Variants in PXN observed in about 807,000 individuals in gnomAD.
PXN encodes the protein testicular tissue protein Li 134.
Under a neutral mutation model 103.6 loss-of-function variants are expected in PXN, and 61 were observed. The ratio of observed to expected loss-of-function variants is 0.59; its 90% CI spans 0.48 to 0.73. The LOEUF is 0.73. Among genes scored for constraint, PXN ranks in the 30% least tolerant of loss-of-function variants. PXN has a pLI of 0.00. For missense variants in PXN, 1,274 were observed against 1,460.3 expected, an observed-to-expected ratio of 0.87 and a Z score of 2.08; for synonymous variants, 562 against 607.8, an observed-to-expected ratio of 0.92 and a Z score of 1.11.
Position 120,212,445 on chromosome 12 carries a change from C to T in PXN, c.3115G>A (p.Ala1039Thr), listed in dbSNP as rs778384980. ...QKPITGRCIT[A>T]MAKKFHPEHF... The stretch of plus-strand genomic sequence containing the variant: ...TCGGGGTGGAACTTCTTGGCCATGG[C>T]GGTGATGCAGCGGCCGGTGATGGGC... Residue 1039 changes from alanine (A) to threonine (T), a missense_variant, in exon 15 of 15, where the codon GCC becomes ACC. This residue lies in a region of PXN where 96 missense variants were observed against 151.3 expected (regional missense o/e 0.63). Coordinates refer to ENST00000637617, the MANE Select transcript of PXN (RefSeq NM_001385981.1). The surrounding 1 kb of genome is among the most constrained non-coding windows in gnomAD (Gnocchi z 7.2). 6 of 1,613,870 alleles carry T rather than the reference C, an allele frequency of 3.7e-6. No individual in the cohort carries two copies. Among genetic ancestry groups the T allele is most frequent in the East Asian group, 2.2e-5 (1 of 44,878 alleles).
rs1464086786 is a variant in PXN, at chr12:120,233,171, C to T, written c.14-8794G>A. Among the ~76,000 whole-genome samples the T allele has an allele frequency of 2.6e-5, 4 of 152,316 alleles. No individual in the cohort carries two copies. The East Asian group carries it at 5.8e-4, about 22-fold the overall frequency. ...ATCTAACGCTTCCTGCACACACCAT[C>T]GGCCCGAACTTCTTGGCACCCAGCC... On this transcript the variant is annotated intron_variant, in intron 1 of 14. Transcript: ENST00000637617.
At chr12:120,235,311 C>T (rs1037903078) in intron 1 of PXN, among the ~76,000 whole-genome samples, 7 of 152,086 alleles carry the variant, frequency 4.6e-5, no homozygotes, top group Admixed American at 3.3e-4. Context: ...GACGGGGCTG[C>T]GAGGCTAGAA....
At chr12:120,235,496 G>GTTCTTCACCC (rs1340344229) in intron 1 of PXN, among the ~76,000 whole-genome samples, 2 of 152,088 alleles carry the variant, frequency 1.3e-5, no homozygotes, top group Non-Finnish European at 2.9e-5. Context: ...TTCTTCCCAG[G>GTTCTTCACCC]ATGCCCCACA....
In PXN at chr12:120,212,447, G is replaced by T; in HGVS notation, c.3113C>A (p.Thr1038Asn). 1 of 1,614,040 alleles carries T rather than the reference G, an allele frequency of 6.2e-7. No homozygotes were observed. Among genetic ancestry groups the T allele is most frequent in the Non-Finnish European group, 8.5e-7 (1 of 1,179,900 alleles). ...CQKPITGRCI[T>N]AMAKKFHPEH... ...GGGGTGGAACTTCTTGGCCATGGCG[G>T]TGATGCAGCGGCCGGTGATGGGCTT... The change falls in exon 15 of 15, where the codon ACC (threonine) becomes AAC (asparagine). Residue 1038 changes from threonine to asparagine, a missense_variant. Thr to Asn is a moderately conservative substitution (Grantham distance 65). Around this residue, in one of 2 missense-constraint regions of PXN, gnomAD observed 96 missense variants for 151.3 expected, o/e 0.63. Coordinates refer to ENST00000637617, the MANE Select transcript of PXN (RefSeq NM_001385981.1). The surrounding 1 kb of genome is among the most constrained non-coding windows in gnomAD (Gnocchi z 7.2).
At chr12:120,261,891 G>A (rs140329661) in intron 1 of PXN, among the ~76,000 whole-genome samples, 120 of 152,314 alleles carry the variant, frequency 7.9e-4, no homozygotes, top group Non-Finnish European at 1.2e-3. Context: ...AAGTGTACCC[G>A]CTGAAGAATC....
chr12:120,218,985 A>G (rs1457972940), intron 7 of PXN, among the ~76,000 whole-genome samples: 1 of 152,258 alleles, frequency 6.6e-6, no homozygotes, highest in African/African-American at 2.4e-5. Flanking sequence ...ATCTGAAAGG[A>G]AAAAGCCTCA....
intron 1 of PXN, among the ~76,000 whole-genome samples, chr12:120,249,419 G>A (rs1335130707): frequency 6.6e-6 from 1 of 152,128 alleles, no homozygotes; most frequent in East Asian, 1.9e-4. Flanking sequence ...GAAAATCTCA[G>A]ACAGTCGAAG....
In PXN at chr12:120,228,034, T is replaced by C. The variant is rs1566402929; in HGVS notation, c.14-3657A>G. Among the ~76,000 whole-genome samples the C allele has an allele frequency of 6.6e-6, 1 of 152,172 alleles. No homozygotes were observed. Among genetic ancestry groups the C allele is most frequent in the Non-Finnish European group, 1.5e-5 (1 of 68,026 alleles). On this transcript the variant is annotated intron_variant, in intron 1 of 14. Transcript: ENST00000637617. This position sits in a 1 kb window ranked among gnomAD's most constrained non-coding sequence, Gnocchi z 4.7. The stretch of plus-strand genomic sequence containing the variant: ...CTGCTCTAAATATTCCTGCTCCTCA[T>C]ACCCCAAAGAAGGTGTCAGGCTATC...
chr12:120,230,141 T>C (rs1566405918), intron 1 of PXN, among the ~76,000 whole-genome samples: 1 of 152,170 alleles, frequency 6.6e-6, no homozygotes, highest in Non-Finnish European at 1.5e-5. Flanking sequence ...GAGCGGCCAG[T>C]GCAGCTTCCT....
intron 1 of PXN, among the ~76,000 whole-genome samples, chr12:120,253,017 A>G (rs1465057041): frequency 6.6e-6 from 1 of 151,480 alleles, no homozygotes; most frequent in Non-Finnish European, 1.5e-5. Context: ...AAAAAAAAAA[A>G]AAAGGAACAA....
intron 1 of PXN, among the ~76,000 whole-genome samples, chr12:120,258,961 C>T (rs1026790393): frequency 1.3e-5 from 2 of 151,928 alleles, no homozygotes; most frequent in Non-Finnish European, 2.9e-5. Flanking sequence ...CCCAGCTACT[C>T]GGGAGACTGA....
intron 1 of PXN, among the ~76,000 whole-genome samples, chr12:120,253,017 A>T (rs1465057041): frequency 6.6e-6 from 1 of 151,596 alleles, no homozygotes; most frequent in African/African-American, 2.4e-5. Flanking sequence ...AAAAAAAAAA[A>T]AAAGGAACAA....
chr12:120,261,986 G>A (rs1893947252), intron 1 of PXN, among the ~76,000 whole-genome samples: 6 of 152,184 alleles, frequency 3.9e-5, no homozygotes, highest in Admixed American at 3.9e-4. Flanking sequence ...GAGCCCACCA[G>A]GAGGGCACTA....
chr12:120,255,373 G>A (rs780811666), intron 1 of PXN, among the ~76,000 whole-genome samples: 4 of 152,154 alleles, frequency 2.6e-5, no homozygotes, highest in Admixed American at 2.0e-4. Flanking sequence ...AAGAGCAAAC[G>A]TGGAAGAATG....
chr12:120,232,925 G>A (rs1231358445), intron 1 of PXN, among the ~76,000 whole-genome samples: 1 of 152,100 alleles, frequency 6.6e-6, no homozygotes, highest in Admixed American at 6.5e-5. Flanking sequence ...GTCAGCTCTC[G>A]CTTGCCTGAC....
chr12:120,221,887 C>CT lies in PXN; in HGVS notation c.696-130dup, dbSNP rs1885269010. 7.4e-7 allele frequency: 1 copy of CT among 1,352,174 alleles called. No homozygotes were observed. The highest frequency in any genetic ancestry group is 2.5e-5 in the Admixed American group (1 of 40,652). 83.8% of individuals were successfully genotyped at this position (1,352,174 alleles called of 1,614,324 possible). A position where few individuals can be genotyped will look rare whatever the true frequency, so the allele number is the denominator to read the frequency against. ...AACCCCAGGGAGGTCCACCAGCTCC[C>CT]TGTCTCTCCTGGGGACCCATCACTG... On this transcript the variant is annotated intron_variant, in intron 5 of 14. Coordinates refer to ENST00000637617, the MANE Select transcript of PXN (RefSeq NM_001385981.1). This position sits in a 1 kb window ranked among gnomAD's most constrained non-coding sequence, Gnocchi z 6.6.
intron 1 of PXN, among the ~76,000 whole-genome samples, chr12:120,257,148 C>T (rs549810300): frequency 1.3e-5 from 2 of 152,298 alleles, no homozygotes; most frequent in East Asian, 1.9e-4. Context: ...GGTTCCACCC[C>T]CCTTGCTCCA....
chr12:120,255,139 AC>A (rs1312686802), intron 1 of PXN, among the ~76,000 whole-genome samples: 2 of 152,202 alleles, frequency 1.3e-5, no homozygotes, highest in Admixed American at 1.3e-4. Flanking sequence ...TCACCAGCAC[AC>A]AGGTTATAAA....
In PXN at chr12:120,210,771, C is replaced by G. The variant is rs1879979193; in HGVS notation, c.*1543G>C. On this transcript the variant is annotated 3_prime_UTR_variant, in exon 15 of 15. Transcript: ENST00000637617. ...CAGGAGGCCAGTGGAGTGGTTTGGA[C>G]TGTCACCATTAGACCCCGGTGGGGC... 1 of 152,716 alleles carries G rather than the reference C, an allele frequency of 6.5e-6. No individual in the cohort carries two copies. Among genetic ancestry groups the G allele is most frequent in the African/African-American group, 2.4e-5 (1 of 41,460 alleles). 9.5% of individuals were successfully genotyped at this position (152,716 alleles called of 1,614,324 possible).
Sources: gnomAD v4.1 joint callset for allele counts (sites outside exome capture counted in the v4.1 genomes callset) on GRCh38, gnomAD v4.1.1 for gene constraint, gnomAD v4.1.1 regional missense constraint, Gnocchi (gnomAD v3.1) non-coding constraint, MANE v1.5 for transcripts, NCBI Gene and HGNC (gene_info 2026-07-23, HGNC 2026-07-21) for gene names.